PKNOX2: variants seen among roughly 807,000 people sequenced by gnomAD.
PKNOX2 encodes the protein PBX/knotted 1 homeobox 2.
PKNOX2 carries 14 observed loss-of-function variants against 53.1 expected under a neutral mutation model. The observed-to-expected ratio is 0.26, with a 90% confidence interval of 0.17 to 0.41. The LOEUF (loss-of-function observed/expected upper bound fraction) is 0.41. Among genes scored for constraint, PKNOX2 ranks in the 10% least tolerant of loss-of-function variants. The pLI is 1.00. For missense variants in PKNOX2, 496 were observed against 602.8 expected (o/e 0.82, Z 1.85); for synonymous variants, 257 against 242.8 (o/e 1.06, Z -0.54).
At chr11:125,252,050 C>T (rs1591497077) in intron 2 of PKNOX2, among the ~76,000 whole-genome samples, 1 of 152,152 alleles carries the variant, frequency 6.6e-6, no homozygotes, top group South Asian at 2.1e-4. Flanking sequence ...GCAGGCACCT[C>T]TAGCACAATA....
At chr11:125,238,121 G>A (rs1942872634) in intron 2 of PKNOX2, among the ~76,000 whole-genome samples, 1 of 152,170 alleles carries the variant, frequency 6.6e-6, no homozygotes, top group Admixed American at 6.5e-5. Context: ...CTAAATCCTG[G>A]AAGAGGATCT....
At chr11:125,364,689 G>T (rs1222757874) in intron 4 of PKNOX2, among the ~76,000 whole-genome samples, 1 of 152,210 alleles carries the variant, frequency 6.6e-6, no homozygotes, top group Non-Finnish European at 1.5e-5. Flanking sequence ...CGGAAATCTC[G>T]TGTTTAATAA....
rs78349043 is a variant in PKNOX2, at chr11:125,411,680, C to T, written c.817-66C>T. The T allele has an allele frequency of 4.8e-3, 7,675 of 1,611,760 alleles. 306 individuals are homozygous for T. The African/African-American group carries it at 0.086, about 18-fold the overall frequency. On this transcript the variant is annotated intron_variant, in intron 9 of 12. Coordinates refer to ENST00000298282, the MANE Select transcript of PKNOX2 (RefSeq NM_001382323.2). ...GCAGCCAAGCCTGCCGTCGCTATGG[C>T]AACAGGTCCCCAGCCGCTGCCCTCA...
chr11:125,373,139 T>A (rs1201191704), intron 5 of PKNOX2, among the ~76,000 whole-genome samples: 1 of 152,262 alleles, frequency 6.6e-6, no homozygotes, highest in Non-Finnish European at 1.5e-5. Flanking sequence ...AATAGAATCA[T>A]GCTCTAGAAA....
At chr11:125,323,928 A>AT (rs1949677222) in intron 2 of PKNOX2, among the ~76,000 whole-genome samples, 1 of 149,736 alleles carries the variant, frequency 6.7e-6, no homozygotes. Context: ...TCTTTAAAAA[A>AT]ATATATATCT....
rs1156516946 is a variant in PKNOX2, at chr11:125,432,288, G to C, written c.*896G>C. 1 of 152,664 alleles carries C rather than the reference G, an allele frequency of 6.6e-6. No homozygotes were observed. Among genetic ancestry groups the C allele is most frequent in the African/African-American group, 2.4e-5 (1 of 41,418 alleles). 9.5% of individuals were successfully genotyped at this position (152,664 alleles called of 1,614,324 possible). On this transcript the variant is annotated 3_prime_UTR_variant, in exon 13 of 13. Coordinates refer to ENST00000298282, the MANE Select transcript of PKNOX2 (RefSeq NM_001382323.2). ...GATGTTCCCACCTTCAGTGCTCCAC[G>C]CCCTCCATAGACCTTCAGAGAAGGT...
At chr11:125,386,863 T>TCTTCTA (rs772673227) in intron 6 of PKNOX2, among the ~76,000 whole-genome samples, 7,208 of 152,214 alleles carry the variant, frequency 0.047, 213 homozygotes, top group Middle Eastern at 0.065. Context: ...CCAGAAGAGC[T>TCTTCTA]GCCAGGAGAG....
chr11:125,277,899 T>C (rs941149484), intron 2 of PKNOX2, among the ~76,000 whole-genome samples: 2 of 152,170 alleles, frequency 1.3e-5, no homozygotes, highest in Admixed American at 6.5e-5. Flanking sequence ...AATATACAGC[T>C]ATTATGTATC....
At position 125,165,108 on chromosome 11, in the gene PKNOX2, C is replaced by G. The variant is rs1433846408; in HGVS notation, c.-201+332C>G. Among the ~76,000 whole-genome samples, 2 of 148,330 alleles carry G rather than the reference C, an allele frequency of 1.3e-5. No homozygotes were observed. The highest frequency in any genetic ancestry group is 4.9e-5 in the African/African-American group (2 of 40,946). ...CCGGGCACGGAGGCTGCGAGAGCCCCGCGGGCCGCCCGCTCCCCTGCCCGG... is the reference window on the plus strand; with the variant it reads ...CCGGGCACGGAGGCTGCGAGAGCCCGGCGGGCCGCCCGCTCCCCTGCCCGG... On this transcript the variant is annotated intron_variant, in intron 1 of 12. Transcript: ENST00000298282. This position sits in a 1 kb window ranked among gnomAD's most constrained non-coding sequence, Gnocchi z 4.5.
At position 125,178,565 on chromosome 11, in the gene PKNOX2, C is replaced by CGAAG. The variant is rs1176892919; in HGVS notation, c.-201+13833_-201+13836dup. ...GAGAGAGAGAGAAGGAAGGAAGGAACGAAGGAAGGAAGGAAGGAAGGAAGG... is the reference window on the plus strand; with the variant it reads ...GAGAGAGAGAGAAGGAAGGAAGGAACGAAGGAAGGAAGGAAGGAAGGAAGGAAGG... On this transcript the variant is annotated intron_variant, in intron 1 of 12. Coordinates refer to ENST00000298282, the MANE Select transcript of PKNOX2 (RefSeq NM_001382323.2). 6.3e-3 allele frequency among the ~76,000 whole-genome samples: 381 copies of CGAAG among 60,304 alleles called. 9 individuals carry two copies. The highest frequency in any genetic ancestry group is 0.013 in the Admixed American group (71 of 5,662). 39.6% of individuals were successfully genotyped at this position (60,304 alleles called of 152,430 possible). A position where few individuals can be genotyped will look rare whatever the true frequency, so the allele number is the denominator to read the frequency against.
At chr11:125,234,128 G>A (rs544679348) in intron 1 of PKNOX2, among the ~76,000 whole-genome samples, 28 of 152,154 alleles carry the variant, frequency 1.8e-4, no homozygotes, top group African/African-American at 5.5e-4. Context: ...TGTCCAGTCC[G>A]CCAAGATCCC....
At chr11:125,224,397 C>T (rs372492251) in intron 1 of PKNOX2, among the ~76,000 whole-genome samples, 5 of 152,210 alleles carry the variant, frequency 3.3e-5, no homozygotes, top group Non-Finnish European at 5.9e-5. Flanking sequence ...TGGAGCCCCT[C>T]GGAGGAGCCA....
intron 2 of PKNOX2, among the ~76,000 whole-genome samples, chr11:125,256,481 T>C (rs1591499139): frequency 6.6e-6 from 1 of 152,104 alleles, no homozygotes; most frequent in Non-Finnish European, 1.5e-5. Flanking sequence ...CCTGACCAGG[T>C]AGTACCCACT....
intron 2 of PKNOX2, among the ~76,000 whole-genome samples, chr11:125,313,787 G>A (rs1302601994): frequency 6.6e-6 from 1 of 152,184 alleles, no homozygotes; most frequent in Non-Finnish European, 1.5e-5. Context: ...CAGTGACTGA[G>A]TCACACCAGG....
At chr11:125,167,594 C>G (rs12294909) in intron 1 of PKNOX2, among the ~76,000 whole-genome samples, 4,179 of 152,322 alleles carry the variant, frequency 0.027, 184 homozygotes, top group African/African-American at 0.092. Context: ...TGGGCCCGAC[C>G]ACCGCTCACA....
chr11:125,245,743 G>A (rs1199637496), intron 2 of PKNOX2, among the ~76,000 whole-genome samples: 2 of 152,198 alleles, frequency 1.3e-5, no homozygotes, highest in Non-Finnish European at 2.9e-5. Context: ...AAAGAAGTTT[G>A]AGGAGTGAAG....
At chr11:125,241,354 C>T (rs1028685589) in intron 2 of PKNOX2, among the ~76,000 whole-genome samples, 1 of 152,186 alleles carries the variant, frequency 6.6e-6, no homozygotes, top group Non-Finnish European at 1.5e-5. Flanking sequence ...GGCCCTTGCT[C>T]ATTTATCTCC....
chr11:125,272,899 T>C (rs1424893489), intron 2 of PKNOX2, among the ~76,000 whole-genome samples: 3 of 152,344 alleles, frequency 2.0e-5, no homozygotes, highest in Admixed American at 1.3e-4. Context: ...AGAAGCAGCA[T>C]TGAGCACTGA....
chr11:125,426,853 A>T (rs1198256382), intron 10 of PKNOX2, among the ~76,000 whole-genome samples: 1 of 152,238 alleles, frequency 6.6e-6, no homozygotes, highest in Non-Finnish European at 1.5e-5. Flanking sequence ...GCAATCATTC[A>T]GAGGCCACGG....
Sources: gnomAD v4.1 joint callset for allele counts (sites outside exome capture counted in the v4.1 genomes callset) on GRCh38, gnomAD v4.1.1 for gene constraint, Gnocchi (gnomAD v3.1) non-coding constraint, MANE v1.5 for transcripts, NCBI Gene and HGNC (gene_info 2026-07-23, HGNC 2026-07-21) for gene names.